Variants in SUZ12 observed in about 807,000 individuals in gnomAD.
The protein encoded by SUZ12 is SUZ12 polycomb repressive complex 2 subunit.
Under a neutral mutation model 87.3 loss-of-function variants are expected in SUZ12, and 17 were observed. The observed-to-expected ratio is 0.19, with a 90% CI of 0.13 to 0.29. SUZ12 has a LOEUF of 0.29. SUZ12 is among the 10% of genes least tolerant of loss of function. The probability of loss-of-function intolerance (pLI) is 1.00; values close to 1 mark genes in which losing one functional copy is unlikely to be tolerated. For synonymous variants in SUZ12, 253 were observed against 312.4 expected (o/e 0.81, Z 2.01); for missense variants, 526 against 912.2 (o/e 0.58, Z 5.45).
chr17:31,963,711 G>A (rs1191293319), intron 4 of SUZ12: 1 of 151,312 alleles, frequency 6.6e-6, no homozygotes, highest in African/African-American at 2.4e-5. Context: ...TTTTAGTAGA[G>A]ACGGGGTTTC....
chr17:31,998,553 TTTTA>T, intron 15 of SUZ12, 101 bp from the exon 16 acceptor site: 1 of 778,134 alleles, frequency 1.3e-6, no homozygotes, highest in South Asian at 3.1e-5. Flanking sequence ...TTTAATCATC[TTTTA>T]TTTTACTGGA....
At chr17:31,941,700 C>T (rs1405837700) in intron 3 of SUZ12, among the ~76,000 whole-genome samples, 7 of 151,826 alleles carry the variant, frequency 4.6e-5, no homozygotes, top group African/African-American at 1.7e-4. Flanking sequence ...TAGGCGCGTG[C>T]CACCATGCTC....
intron 12 of SUZ12, 76 bp downstream of exon 12, chr17:31,994,084 C>T: frequency 7.3e-7 from 1 of 1,376,910 alleles, no homozygotes; most frequent in Non-Finnish European, 9.6e-7. Context: ...ATCTATGTAC[C>T]CACAAAAATT....
At chr17:31,939,523 ATT>A (rs200521374) in intron 1 of SUZ12, among the ~76,000 whole-genome samples, 6 of 140,436 alleles carry the variant, frequency 4.3e-5, no homozygotes, top group Admixed American at 1.4e-4. Flanking sequence ...GCTGACTACA[ATT>A]TTTTTTTTTT....
intron 6 of SUZ12, among the ~76,000 whole-genome samples, chr17:31,974,481 C>G (rs1314486184): frequency 6.6e-6 from 1 of 152,126 alleles, no homozygotes; most frequent in Non-Finnish European, 1.5e-5. Context: ...GAGCCGAGAT[C>G]GCACAACTGC....
chr17:31,980,835 CA>C, intron 8 of SUZ12, among the ~76,000 whole-genome samples: 1 of 151,994 alleles, frequency 6.6e-6, no homozygotes, highest in East Asian at 1.9e-4. Context: ...ATTTTTAAGC[CA>C]AAATCTGCAT....
At chr17:31,986,841 C>T (rs988266305) in intron 9 of SUZ12, among the ~76,000 whole-genome samples, 6 of 152,194 alleles carry the variant, frequency 3.9e-5, no homozygotes, top group African/African-American at 1.4e-4. Flanking sequence ...TGTGCCATTG[C>T]GCCCGGTCCT....
At chr17:31,989,558 C>A (rs1260506018) in intron 10 of SUZ12, among the ~76,000 whole-genome samples, 1 of 152,036 alleles carries the variant, frequency 6.6e-6, no homozygotes, top group South Asian at 2.1e-4. Flanking sequence ...GGAATCACAA[C>A]TACAAAGAGC....
At chr17:31,969,813 T>G (rs1375013635) in intron 5 of SUZ12, among the ~76,000 whole-genome samples, 1 of 152,174 alleles carries the variant, frequency 6.6e-6, no homozygotes, top group Admixed American at 6.5e-5. Context: ...CTGGGAGGTT[T>G]GCTTGAGCCC....
intron 4 of SUZ12, among the ~76,000 whole-genome samples, chr17:31,955,320 C>T (rs1598155573): frequency 1.3e-5 from 2 of 152,216 alleles, no homozygotes; most frequent in East Asian, 3.9e-4. Context: ...CTCACTTCAT[C>T]AGCCAGGCTG....
rs2449801 is a variant in SUZ12 at position 31,943,855 on chromosome 17, A to G, written c.386+3369A>G. On this transcript the variant is annotated intron_variant, in intron 3 of 15. Coordinates refer to ENST00000322652, the MANE Select transcript of SUZ12 (RefSeq NM_015355.4). ...TGGGATTACAGGCGTGTGGCACTACACCCAGCTAATTTTTGTATTTTTAGT... is the reference window on the plus strand; with the variant it reads ...TGGGATTACAGGCGTGTGGCACTACGCCCAGCTAATTTTTGTATTTTTAGT... Among the ~76,000 whole-genome samples the G allele has an allele frequency of 2.9e-3, 434 of 151,396 alleles. 10 individuals are homozygous for G. The East Asian group carries it at 0.066, about 23-fold the overall frequency.
At chr17:31,974,632 G>A (rs909973003) in intron 6 of SUZ12, among the ~76,000 whole-genome samples, 14 of 152,026 alleles carry the variant, frequency 9.2e-5, no homozygotes, top group Non-Finnish European at 1.6e-4. Context: ...AAAATGTATC[G>A]GGGTAATCAT....
chr17:31,961,662 T>A (rs1471556139), intron 4 of SUZ12, among the ~76,000 whole-genome samples: 1 of 152,212 alleles, frequency 6.6e-6, no homozygotes, highest in African/African-American at 2.4e-5. Context: ...TTTGTTAATT[T>A]TCAGTGTGTT....
intron 14 of SUZ12, among the ~76,000 whole-genome samples, 168 bp from the exon 15 acceptor site, chr17:31,996,630 A>ATAAAT (rs58793484): frequency 0.078 from 11,828 of 152,122 alleles, 1,479 homozygotes; most frequent in African/African-American, 0.27. Flanking sequence ...AACTAAATAA[A>ATAAAT]TAAATTAAAT....
chr17:31,957,088 A>G (rs1405749242), intron 4 of SUZ12, among the ~76,000 whole-genome samples: 4 of 151,962 alleles, frequency 2.6e-5, no homozygotes, highest in Admixed American at 1.3e-4. Flanking sequence ...TTTTATTACT[A>G]TTATTATTTT....
intron 2 of SUZ12, 21 bp downstream of exon 2, chr17:31,940,353 A>G: frequency 6.2e-7 from 1 of 1,611,496 alleles, no homozygotes. Context: ...AACAAAATTC[A>G]TCAATATTAT....
At chr17:31,997,666 C>CAAAAAAAAA (rs892389046) in intron 15 of SUZ12, among the ~76,000 whole-genome samples, 21 of 70,398 alleles carry the variant, frequency 3.0e-4, no homozygotes, top group African/African-American at 9.6e-4. Context: ...ACCCTATCTC[C>CAAAAAAAAA]AAAAAAAAAA....
chr17:31,952,357 G>A (rs9896163), intron 4 of SUZ12, among the ~76,000 whole-genome samples: 4,620 of 152,176 alleles, frequency 0.03, 244 homozygotes, highest in African/African-American at 0.11. Flanking sequence ...ACCACGCCTG[G>A]CCTTTATTTT....
intron 4 of SUZ12, among the ~76,000 whole-genome samples, chr17:31,956,750 G>C (rs931136804): frequency 1.3e-5 from 2 of 151,090 alleles, no homozygotes; most frequent in Non-Finnish European, 2.9e-5. Context: ...CTATATATAC[G>C]TGTGTGTGTG....
Sources: gnomAD v4.1 joint callset for allele counts (sites outside exome capture counted in the v4.1 genomes callset) on GRCh38, gnomAD v4.1.1 for gene constraint, MANE v1.5 for transcripts, NCBI Gene and HGNC (gene_info 2026-07-23, HGNC 2026-07-21) for gene names.